The following FLRT1 variants were observed in gnomAD, a reference collection of about 807,000 sequenced individuals.
FLRT1 encodes the protein fibronectin leucine rich transmembrane protein 1, also known as leucine-rich repeat transmembrane protein FLRT1.
Under a neutral mutation model 30.9 loss-of-function variants are expected in FLRT1, and 14 were observed. The ratio of observed to expected loss-of-function variants is 0.45; its 90% CI spans 0.30 to 0.71. The LOEUF is 0.71. FLRT1 is among the 30% of genes least tolerant of loss of function. The pLI, the probability that FLRT1 is intolerant of heterozygous loss-of-function variation, is 0.08. For synonymous variants in FLRT1, 368 were observed against 430.4 expected (o/e 0.85, Z 1.80); for missense variants, 737 against 949.2 (o/e 0.78, Z 2.94).
chr11:64,099,990 C>T (rs994826526), intron 1 of FLRT1, among the ~76,000 whole-genome samples: 2 of 152,238 alleles, frequency 1.3e-5, no homozygotes, highest in African/African-American at 2.4e-5. Flanking sequence ...GTGGATGGTC[C>T]GTTTCTCTTG....
chr11:64,096,027 A>G lies in FLRT1; in HGVS notation c.-1037-7167A>G, dbSNP rs147543235. Among the ~76,000 whole-genome samples, 96 of 152,328 alleles carry G rather than the reference A, an allele frequency of 6.3e-4. No individual in the cohort carries two copies. The highest frequency in any genetic ancestry group is 2.1e-3 in the African/African-American group (89 of 41,582). The stretch of plus-strand genomic sequence containing the variant: ...CAGGATATGTCGCGCTGCAGCCAGC[A>G]CAGTGCTGCTTCAAACTGCCACTTG... On this transcript the variant is annotated intron_variant, in intron 1 of 2. Coordinates refer to ENST00000682287, the MANE Select transcript of FLRT1 (RefSeq NM_013280.5). This position sits in a 1 kb window ranked among gnomAD's most constrained non-coding sequence, Gnocchi z 4.6.
chr11:64,113,875 G>GATGGAAGA (rs1944912411), intron 2 of FLRT1, among the ~76,000 whole-genome samples: 3 of 145,008 alleles, frequency 2.1e-5, no homozygotes, highest in African/African-American at 5.3e-5. Context: ...TTGATACATG[G>GATGGAAGA]ATGGATGGAT....
intron 1 of FLRT1, among the ~76,000 whole-genome samples, chr11:64,076,782 G>A (rs904455975): frequency 8.5e-5 from 13 of 152,130 alleles, no homozygotes; most frequent in Non-Finnish European, 1.5e-4. Flanking sequence ...GCTAAGGTGG[G>A]ACCCAGGCTC....
At chr11:64,060,895 C>A (rs1355559806) in intron 1 of FLRT1, among the ~76,000 whole-genome samples, 8 of 152,136 alleles carry the variant, frequency 5.3e-5, no homozygotes. Flanking sequence ...GCCCCGCCCC[C>A]GAGGCTCTTT....
rs1565241078 is a variant in FLRT1, at chr11:64,116,629, T to A, written c.362T>A (p.Phe121Tyr). ...CTATACGAGAATGACCTGGATGAGT[T>A]CCCCATCAACCTGCCCCGCTCCCTC... ...IYLYENDLDEFPINLPRSLRE... is the reference protein window; with the variant it reads ...IYLYENDLDEYPINLPRSLRE... Residue 121 changes from phenylalanine to tyrosine, a missense_variant, in exon 3 of 3, where the codon TTC becomes TAC. By Grantham distance (22) the Phe-to-Tyr change is conservative. Coordinates refer to ENST00000682287, the MANE Select transcript of FLRT1 (RefSeq NM_013280.5). The A allele has an allele frequency of 6.2e-7, 1 of 1,614,052 alleles. No individual in the cohort carries two copies. The highest frequency in any genetic ancestry group is 8.5e-7 in the Non-Finnish European group (1 of 1,180,000).
At position 64,071,709 on chromosome 11, in the gene FLRT1, A is replaced by T. The variant is rs569831615; in HGVS notation, c.-1037-31485A>T. On this transcript the variant is annotated intron_variant, in intron 1 of 2. Coordinates refer to ENST00000682287, the MANE Select transcript of FLRT1 (RefSeq NM_013280.5). ...TGGTTATGGGGTGGTCATGAGACCA[A>T]GGCCCTTTGTCAAGCAGGAGGCCCT... is the stretch of plus-strand genomic sequence containing the variant. Among the ~76,000 whole-genome samples, 12 of 152,270 alleles carry T rather than the reference A, an allele frequency of 7.9e-5. No homozygotes were observed. The East Asian group carries it at 1.9e-3, about 25-fold the overall frequency.
rs1943375566 is a variant in FLRT1, at chr11:64,036,138, C to G, written c.-1059C>G. 1 of 152,140 alleles carries G rather than the reference C, an allele frequency of 6.6e-6. No individual in the cohort carries two copies. The highest frequency in any genetic ancestry group is 2.1e-4 in the South Asian group (1 of 4,834). The allele number at this position is 152,140 out of a possible 1,614,324, so 9.4% of individuals were successfully genotyped here. A position where few individuals can be genotyped will look rare whatever the true frequency, so the allele number is the denominator to read the frequency against. On this transcript the variant is annotated 5_prime_UTR_variant, in exon 1 of 3. Transcript: ENST00000682287. The surrounding 1 kb of genome is among the most constrained non-coding windows in gnomAD (Gnocchi z 5.6). ...CACCGCAAAGTTTCCCGAGGAGACCCGCCTCCCCGGCCGCTGCGCAGGTAG... is the reference window on the plus strand; with the variant it reads ...CACCGCAAAGTTTCCCGAGGAGACCGGCCTCCCCGGCCGCTGCGCAGGTAG...
chr11:64,091,627 C>T (rs1297122408), intron 1 of FLRT1, among the ~76,000 whole-genome samples: 2 of 152,136 alleles, frequency 1.3e-5, no homozygotes, highest in Non-Finnish European at 2.9e-5. Context: ...CCGCCACCAT[C>T]CCCCCATCCG....
chr11:64,067,774 C>T lies in FLRT1; in HGVS notation c.-1038+31615C>T, dbSNP rs1333181952. On this transcript the variant is annotated intron_variant, in intron 1 of 2. Coordinates refer to ENST00000682287, the MANE Select transcript of FLRT1 (RefSeq NM_013280.5). This position sits in a 1 kb window ranked among gnomAD's most constrained non-coding sequence, Gnocchi z 4.6. The stretch of plus-strand genomic sequence containing the variant: ...TTGTGAACTGGGGGTGGCCCCAGAG[C>T]TGTTTGTTTTCCCTGACTGAGGGGC... Among the ~76,000 whole-genome samples, 1 of 152,122 alleles carries T rather than the reference C, an allele frequency of 6.6e-6. No individual in the cohort carries two copies. The highest frequency in any genetic ancestry group is 1.5e-5 in the Non-Finnish European group (1 of 68,034).
At chr11:64,076,091 G>A (rs2134475026) in intron 1 of FLRT1, among the ~76,000 whole-genome samples, 1 of 152,296 alleles carries the variant, frequency 6.6e-6, no homozygotes, top group East Asian at 1.9e-4. Context: ...CCTGCAGCCA[G>A]AGGCCTCTCC....
Position 64,036,811 on chromosome 11 carries a change from A to AC in FLRT1, c.-1038+658dup, listed in dbSNP as rs1395672693. On this transcript the variant is annotated intron_variant, in intron 1 of 2. Transcript: ENST00000682287. This position sits in a 1 kb window ranked among gnomAD's most constrained non-coding sequence, Gnocchi z 5.6. The stretch of plus-strand genomic sequence containing the variant: ...GGTGCCTGGGCGGGGGGCGGCGGGC[A>AC]CCCCCCATCCCCCAGCTCTCAAGAC... Among the ~76,000 whole-genome samples the AC allele has an allele frequency of 6.6e-6, 1 of 151,242 alleles. No individual in the cohort carries two copies. The highest frequency in any genetic ancestry group is 2.4e-5 in the African/African-American group (1 of 41,042).
chr11:64,040,341 A>C (rs1286080602), intron 1 of FLRT1, among the ~76,000 whole-genome samples: 2 of 152,206 alleles, frequency 1.3e-5, no homozygotes, highest in African/African-American at 4.8e-5. Context: ...GGGCAGGGAC[A>C]GAAACAAGGG....
intron 2 of FLRT1, among the ~76,000 whole-genome samples, chr11:64,112,146 G>A (rs558972492): frequency 2.6e-5 from 4 of 152,210 alleles, no homozygotes; most frequent in African/African-American, 7.2e-5. Flanking sequence ...CATCTGCCAC[G>A]TGGGAAACAC....
intron 2 of FLRT1, among the ~76,000 whole-genome samples, 188 bp downstream of exon 2, chr11:64,104,369 C>CAGCTTCTGCTTGCCGGCATA (rs1179709663): frequency 6.6e-6 from 1 of 152,132 alleles, no homozygotes; most frequent in Non-Finnish European, 1.5e-5. Flanking sequence ...ATGCAGCTGG[C>CAGCTTCTGCTTGCCGGCATA]AGCTTCTGCT....
At chr11:64,043,507 T>C (rs1378962922) in intron 1 of FLRT1, among the ~76,000 whole-genome samples, 1 of 152,104 alleles carries the variant, frequency 6.6e-6, no homozygotes, top group Non-Finnish European at 1.5e-5. Flanking sequence ...TGGGGAGAGC[T>C]GAGCTCTGGA....
chr11:64,086,736 C>T (rs1033338188), intron 1 of FLRT1, among the ~76,000 whole-genome samples: 4 of 152,160 alleles, frequency 2.6e-5, no homozygotes, highest in African/African-American at 9.7e-5. Flanking sequence ...CTCGTGCTCA[C>T]AGTACAGAGA....
chr11:64,088,031 C>A (rs1944425024), intron 1 of FLRT1, among the ~76,000 whole-genome samples: 1 of 152,162 alleles, frequency 6.6e-6, no homozygotes, highest in Non-Finnish European at 1.5e-5. Context: ...GTGGTGGAGG[C>A]CCTGGTGGCC....
chr11:64,104,961 G>T (rs1944733094), intron 2 of FLRT1, among the ~76,000 whole-genome samples: 1 of 152,240 alleles, frequency 6.6e-6, no homozygotes, highest in Admixed American at 6.5e-5. Flanking sequence ...GGACAGGGAA[G>T]CCCCAATTCA....
intron 1 of FLRT1, among the ~76,000 whole-genome samples, chr11:64,054,323 T>C (rs1943745184): frequency 6.6e-6 from 1 of 152,188 alleles, no homozygotes; most frequent in Non-Finnish European, 1.5e-5. Context: ...CAACGGGGAT[T>C]ATTAACAAGT....
Sources: gnomAD v4.1 joint callset for allele counts (sites outside exome capture counted in the v4.1 genomes callset) on GRCh38, gnomAD v4.1.1 for gene constraint, Gnocchi (gnomAD v3.1) non-coding constraint, MANE v1.5 for transcripts, NCBI Gene and HGNC (gene_info 2026-07-23, HGNC 2026-07-21) for gene names.